Variants in LUZP2 observed in about 807,000 individuals in gnomAD.
LUZP2 encodes the protein leucine zipper protein 2.
A neutral mutation model predicts 51.6 loss-of-function variants in LUZP2; 52 were observed. The ratio of observed to expected loss-of-function variants is 1.01; its 90% CI spans 0.81 to 1.27. The LOEUF (loss-of-function observed/expected upper bound fraction) is 1.27. Among genes scored for constraint, LUZP2 ranks in the 50% most tolerant of loss-of-function variants. The pLI is 0.00. For missense variants in LUZP2, 436 were observed against 395.4 expected (o/e 1.10, Z -0.87); for synonymous variants, 154 against 137.3 (o/e 1.12, Z -0.85).
chr11:24,522,521 AG>A (rs995756616), intron 1 of LUZP2, among the ~76,000 whole-genome samples: 6 of 152,136 alleles, frequency 3.9e-5, no homozygotes, highest in Non-Finnish European at 8.8e-5. Context: ...CTTTGAGGAC[AG>A]GGTGTGAGTC....
chr11:25,065,068 A>T (rs968050288), intron 10 of LUZP2, among the ~76,000 whole-genome samples: 2 of 152,062 alleles, frequency 1.3e-5, no homozygotes, highest in African/African-American at 4.8e-5. Context: ...CTTCCTACAA[A>T]ACACAATTCA....
intron 1 of LUZP2, among the ~76,000 whole-genome samples, chr11:24,651,696 G>T (rs1855627863): frequency 6.6e-6 from 1 of 152,074 alleles, no homozygotes; most frequent in Admixed American, 6.6e-5. Flanking sequence ...TTTCTGTAAA[G>T]ATATTTTTAG....
chr11:24,631,176 CT>C (rs985418658), intron 1 of LUZP2, among the ~76,000 whole-genome samples: 2 of 150,922 alleles, frequency 1.3e-5, no homozygotes, highest in Admixed American at 6.6e-5. Context: ...GATTTGGAAG[CT>C]TTTTTTTTCT....
intron 1 of LUZP2, among the ~76,000 whole-genome samples, chr11:24,664,844 T>G (rs1020728960): frequency 1.3e-5 from 2 of 152,140 alleles, no homozygotes; most frequent in Non-Finnish European, 2.9e-5. Context: ...AGGCAGGAGT[T>G]TGCTGCAGGG....
chr11:25,071,149 C>T (rs1859146353), intron 10 of LUZP2, among the ~76,000 whole-genome samples: 1 of 151,778 alleles, frequency 6.6e-6, no homozygotes, highest in African/African-American at 2.4e-5. Flanking sequence ...ATGAAACATA[C>T]CTATTTGTAT....
At chr11:24,944,727 A>G (rs999105758) in intron 7 of LUZP2, among the ~76,000 whole-genome samples, 1 of 152,160 alleles carries the variant, frequency 6.6e-6, no homozygotes, top group Non-Finnish European at 1.5e-5. Flanking sequence ...AACTCAAGGC[A>G]TGAGAGAGAA....
intron 1 of LUZP2, among the ~76,000 whole-genome samples, chr11:24,497,591 T>C (rs1849865912): frequency 6.6e-6 from 1 of 152,174 alleles, no homozygotes; most frequent in South Asian, 2.1e-4. Flanking sequence ...GTCCTATTAG[T>C]AGCCAAAAGG....
chr11:24,875,035 C>T (rs192118932), intron 5 of LUZP2, among the ~76,000 whole-genome samples: 2 of 152,234 alleles, frequency 1.3e-5, no homozygotes, highest in African/African-American at 4.8e-5. Flanking sequence ...GGTATATAAA[C>T]AGAGGAGACG....
At chr11:24,693,203 T>C (rs1189487013) in intron 1 of LUZP2, among the ~76,000 whole-genome samples, 1 of 151,826 alleles carries the variant, frequency 6.6e-6, no homozygotes, top group Non-Finnish European at 1.5e-5. Context: ...TGTTCAATAA[T>C]ATCATTTTGT....
chr11:24,857,894 T>C (rs11602503), intron 5 of LUZP2, among the ~76,000 whole-genome samples: 30,342 of 152,132 alleles, frequency 0.2, 3,145 homozygotes, highest in South Asian at 0.24. Context: ...GTTATCTTCA[T>C]TGGGGTGCAC....
Position 24,798,087 on chromosome 11 carries a change from G to A in LUZP2, c.396+34779G>A, listed in dbSNP as rs7944162. 1.9e-3 allele frequency among the ~76,000 whole-genome samples: 284 copies of A among 152,074 alleles called. 1 individual carries two copies. Among genetic ancestry groups the A allele is most frequent in the African/African-American group, 6.6e-3 (272 of 41,514 alleles). Reference sequence around the variant, plus strand: ...TAAAAAGAAGTCCTTTTTTGGCTCTGATGCTCTGTAAAATACACAAATACT... The same window carrying A: ...TAAAAAGAAGTCCTTTTTTGGCTCTAATGCTCTGTAAAATACACAAATACT... On this transcript the variant is annotated intron_variant, in intron 5 of 11. Transcript: ENST00000336930.
At chr11:25,034,410 G>T (rs901026781) in intron 9 of LUZP2, among the ~76,000 whole-genome samples, 1 of 152,030 alleles carries the variant, frequency 6.6e-6, no homozygotes. Context: ...CTATGCAGAA[G>T]TTCTTTAGTT....
chr11:24,715,667 C>T (rs1261819950), intron 1 of LUZP2, among the ~76,000 whole-genome samples: 1 of 152,116 alleles, frequency 6.6e-6, no homozygotes, highest in African/African-American at 2.4e-5. Context: ...TTTTCTGTGA[C>T]TGTTTAACTT....
intron 5 of LUZP2, among the ~76,000 whole-genome samples, chr11:24,886,668 A>T (rs1435980160): frequency 6.6e-6 from 1 of 152,220 alleles, no homozygotes; most frequent in African/African-American, 2.4e-5. Context: ...TAAAGAAAGT[A>T]TACGTAATTC....
intron 1 of LUZP2, among the ~76,000 whole-genome samples, chr11:24,560,479 A>C (rs1474255792): frequency 3.3e-5 from 5 of 152,176 alleles, no homozygotes; most frequent in African/African-American, 9.6e-5. Context: ...TGAGCTTTAC[A>C]TTATAAAAAA....
intron 5 of LUZP2, among the ~76,000 whole-genome samples, chr11:24,772,122 G>A (rs1371170152): frequency 2.6e-5 from 4 of 152,098 alleles, no homozygotes; most frequent in African/African-American, 9.7e-5. Flanking sequence ...CAGAAAAACA[G>A]TATATGTGTT....
intron 1 of LUZP2, among the ~76,000 whole-genome samples, chr11:24,512,143 G>T (rs1232280502): frequency 1.3e-5 from 2 of 152,210 alleles, no homozygotes; most frequent in Non-Finnish European, 1.5e-5. Context: ...AACAGGGGAA[G>T]AAGTGAAACC....
intron 5 of LUZP2, among the ~76,000 whole-genome samples, chr11:24,884,785 G>A (rs1223659191): frequency 6.6e-6 from 1 of 152,008 alleles, no homozygotes; most frequent in Non-Finnish European, 1.5e-5. Context: ...CTTCTCCAGA[G>A]ACTTGTAGTT....
chr11:25,043,693 A>T (rs552273845), intron 9 of LUZP2, among the ~76,000 whole-genome samples: 1 of 147,492 alleles, frequency 6.8e-6, no homozygotes, highest in Non-Finnish European at 1.5e-5. Flanking sequence ...ATGTATATAT[A>T]TCATATATAT....
Sources: gnomAD v4.1 joint callset for allele counts (sites outside exome capture counted in the v4.1 genomes callset) on GRCh38, gnomAD v4.1.1 for gene constraint, MANE v1.5 for transcripts, NCBI Gene and HGNC (gene_info 2026-07-23, HGNC 2026-07-21) for gene names.